Variants in PAMR1 observed in about 807,000 individuals in gnomAD.
The protein encoded by PAMR1 is inactive serine protease PAMR1.
PAMR1 carries 88 observed loss-of-function variants against 81.8 expected under a neutral mutation model. The ratio of observed to expected loss-of-function variants is 1.08; its 90% CI spans 0.91 to 1.28. The LOEUF (loss-of-function observed/expected upper bound fraction) is 1.28, where lower values mean the gene tolerates loss of function less well. Among genes scored for constraint, PAMR1 ranks in the 50% most tolerant of loss-of-function variants. PAMR1 has a pLI of 0.00. For missense variants in PAMR1, 935 were observed against 919.7 expected, an observed-to-expected ratio of 1.02 and a Z score of -0.21; for synonymous variants, 336 against 345.3, an observed-to-expected ratio of 0.97 and a Z score of 0.30.
intron 1 of PAMR1, among the ~76,000 whole-genome samples, chr11:35,516,341 C>T (rs752959): frequency 5.9e-4 from 90 of 152,334 alleles, no homozygotes; most frequent in African/African-American, 2.2e-3. Flanking sequence ...TTTTATTATG[C>T]TGTGTGCATG....
upstream of PAMR1, among the ~76,000 whole-genome samples, chr11:35,527,109 T>C (rs1248816796): frequency 1.3e-5 from 2 of 152,134 alleles, no homozygotes; most frequent in African/African-American, 4.8e-5. Context: ...ACACAGGTGC[T>C]CTACTAGAAA....
chr11:35,515,503 G>A (rs890838507), intron 1 of PAMR1, among the ~76,000 whole-genome samples: 1 of 152,180 alleles, frequency 6.6e-6, no homozygotes, highest in Non-Finnish European at 1.5e-5. Context: ...GCTAGAACAC[G>A]ATCAAGGGAA....
intron 3 of PAMR1, among the ~76,000 whole-genome samples, chr11:35,484,477 G>T (rs1850462231): frequency 6.6e-6 from 1 of 152,216 alleles, no homozygotes; most frequent in African/African-American, 2.4e-5. Flanking sequence ...AGCCCCGAAA[G>T]TCAGTAACAC....
At chr11:35,501,142 T>G (rs558109035) in intron 1 of PAMR1, among the ~76,000 whole-genome samples, 1 of 151,184 alleles carries the variant, frequency 6.6e-6, no homozygotes, top group Non-Finnish European at 1.5e-5. Flanking sequence ...TCTTTTTTTT[T>G]TTTTTTGAGA....
rs370631386 is a variant in PAMR1, at chr11:35,432,512, C to T, written c.2007G>A (p.Ala669=). 2.3e-4 allele frequency: 378 copies of T among 1,614,216 alleles called. No homozygotes were observed. Among genetic ancestry groups the T allele is most frequent in the Non-Finnish European group, 2.8e-4 (329 of 1,180,048 alleles). ...DICTAETGGI[A]AVSFPGRASP... Reference sequence around the variant, plus strand: ...ATGCTCGTCCCGGGAAGGACACAGCCGCGATGCCTCCTGTCTCTGCAGTGC... The same window carrying T: ...ATGCTCGTCCCGGGAAGGACACAGCTGCGATGCCTCCTGTCTCTGCAGTGC... The change falls in exon 11 of 11, where the codon GCG becomes GCA. Residue 669 remains alanine, a synonymous_variant. Transcript: ENST00000619888.
chr11:35,480,097 A>G (rs575307480), intron 3 of PAMR1, among the ~76,000 whole-genome samples: 56 of 152,278 alleles, frequency 3.7e-4, no homozygotes, highest in African/African-American at 1.3e-3. Context: ...CAGGAATATC[A>G]TCTGTCCTGT....
chr11:35,469,924 A>T (rs1308524823), intron 5 of PAMR1, among the ~76,000 whole-genome samples: 1 of 152,192 alleles, frequency 6.6e-6, no homozygotes, highest in Non-Finnish European at 1.5e-5. Context: ...AGTTTGGTCA[A>T]ATCCTACTTC....
chr11:35,515,703 C>T (rs1444509357), intron 1 of PAMR1, among the ~76,000 whole-genome samples: 1 of 152,182 alleles, frequency 6.6e-6, no homozygotes, highest in Non-Finnish European at 1.5e-5. Context: ...GCCACCAGCC[C>T]TATTTCAAAC....
At chr11:35,523,415 A>G (rs1019174226) in intron 1 of PAMR1, among the ~76,000 whole-genome samples, 2 of 152,164 alleles carry the variant, frequency 1.3e-5, no homozygotes, top group African/African-American at 4.8e-5. Flanking sequence ...GCAGAATCAC[A>G]CTGGCAGAGC....
intron 1 of PAMR1, 29 bp from the exon 2 acceptor site, chr11:35,494,301 AGGTCCT>A (rs781216072): frequency 6.3e-7 from 1 of 1,579,676 alleles, no homozygotes. Context: ...AGGTGAGGCT[AGGTCCT>A]GGCAGGGAGT....
chr11:35,454,994 C>T (rs1281866312), intron 6 of PAMR1, among the ~76,000 whole-genome samples: 2 of 152,204 alleles, frequency 1.3e-5, no homozygotes, highest in Admixed American at 6.5e-5. Context: ...AAGCAAGTAA[C>T]CTTTTTACAA....
chr11:35,510,483 C>G (rs543328056), intron 1 of PAMR1, among the ~76,000 whole-genome samples: 1 of 139,572 alleles, frequency 7.2e-6, no homozygotes, highest in South Asian at 2.4e-4. Flanking sequence ...CCCCCGGAAA[C>G]AGTACACTTT....
intron 4 of PAMR1, among the ~76,000 whole-genome samples, 156 bp downstream of exon 4, chr11:35,474,474 C>T (rs1357380539): frequency 6.6e-6 from 1 of 152,196 alleles, no homozygotes; most frequent in Non-Finnish European, 1.5e-5. Flanking sequence ...TAGTTGGCTG[C>T]AGTTTCAGCC....
At chr11:35,517,537 G>A (rs1851188006) in intron 1 of PAMR1, among the ~76,000 whole-genome samples, 1 of 152,166 alleles carries the variant, frequency 6.6e-6, no homozygotes, top group African/African-American at 2.4e-5. Context: ...AAGACAAAAA[G>A]AGGCTCTGTG....
intron 1 of PAMR1, among the ~76,000 whole-genome samples, chr11:35,499,043 G>C (rs1035236063): frequency 1.6e-4 from 25 of 152,214 alleles, no homozygotes; most frequent in Admixed American, 1.2e-3. Flanking sequence ...CCAGGGCAGG[G>C]CTGGCTGGCA....
intron 6 of PAMR1, among the ~76,000 whole-genome samples, chr11:35,442,966 C>A (rs962424326): frequency 6.6e-6 from 1 of 152,020 alleles, no homozygotes; most frequent in African/African-American, 2.4e-5. Flanking sequence ...TGTACATGTG[C>A]AGAATTATTA....
At chr11:35,455,861 T>C (rs1332415562) in intron 6 of PAMR1, among the ~76,000 whole-genome samples, 6 of 151,590 alleles carry the variant, frequency 4.0e-5, no homozygotes, top group South Asian at 2.1e-4. Flanking sequence ...AGGTGCTTTA[T>C]ACTTCTCAAG....
chr11:35,483,322 TGA>T (rs1299579780), intron 3 of PAMR1, among the ~76,000 whole-genome samples: 1 of 152,162 alleles, frequency 6.6e-6, no homozygotes, highest in African/African-American at 2.4e-5. Flanking sequence ...TGTGAGCCCA[TGA>T]GACTGTGAGA....
At chr11:35,505,885 C>T (rs918150571) in intron 1 of PAMR1, among the ~76,000 whole-genome samples, 3 of 143,594 alleles carry the variant, frequency 2.1e-5, no homozygotes, top group African/African-American at 5.2e-5. Context: ...ACTTCTATTG[C>T]CATTTTGTGG....
Sources: gnomAD v4.1 joint callset for allele counts (sites outside exome capture counted in the v4.1 genomes callset) on GRCh38, gnomAD v4.1.1 for gene constraint, MANE v1.5 for transcripts, NCBI Gene and HGNC (gene_info 2026-07-23, HGNC 2026-07-21) for gene names.